SENP5: variants seen among roughly 807,000 people sequenced by gnomAD.
SENP5 encodes sentrin-specific protease 5.
In SENP5, 21 loss-of-function variants were observed where a neutral mutation model predicts 74.2. The ratio of observed to expected loss-of-function variants is 0.28; its 90% CI spans 0.20 to 0.41. The LOEUF is 0.41. Ranked by LOEUF, SENP5 falls within the 10% of genes least tolerant of loss-of-function variation. The probability of loss-of-function intolerance (pLI) is 1.00; values close to 1 mark genes in which losing one functional copy is unlikely to be tolerated. For synonymous variants in SENP5, 311 were observed against 312.7 expected, an observed-to-expected ratio of 0.99 and a Z score of 0.06; for missense variants, 717 against 889.1, an observed-to-expected ratio of 0.81 and a Z score of 2.46.
intron 6 of SENP5, chr3:196,914,586 A>AAAAAAAAATATAT: frequency 2.4e-4 from 8 of 33,500 alleles, no homozygotes; most frequent in African/African-American, 1.3e-3. Context: ...AAAAAAAAAA[A>AAAAAAAAATATAT]ATATATATAT....
Position 196,929,695 on chromosome 3 carries a change from C to G in SENP5, c.2157+12C>G, listed in dbSNP as rs748048200. ...TCTTTGTGCTCCAGGTAAAGAAACA[C>G]TTGCTTTTCGGAACTTACAATGTGT... On this transcript the variant is annotated intron_variant, in intron 9 of 9. Transcript: ENST00000323460. 2 of 1,599,700 alleles carry G rather than the reference C, an allele frequency of 1.3e-6. No individual in the cohort carries two copies. The highest frequency in any genetic ancestry group is 2.2e-5 in the East Asian group (1 of 44,696).
rs1434306718 is a variant in SENP5, at chr3:196,886,132, G to A, written c.951G>A (p.Lys317=). ...ATATGGACAGCAGTGCTGTGGTGAA[G>A]GGGACGAACTCTCATGTGCCTGATT... The part of the protein sequence containing the change: ...FPDMDSSAVV[K]GTNSHVPDCH... Residue 317 remains lysine (K), a synonymous_variant, in exon 2 of 10, where the codon AAG becomes AAA. Coordinates refer to ENST00000323460, the MANE Select transcript of SENP5 (RefSeq NM_152699.5). 1 of 1,614,072 alleles carries A rather than the reference G, an allele frequency of 6.2e-7. No homozygotes were observed. The highest frequency in any genetic ancestry group is 8.5e-7 in the Non-Finnish European group (1 of 1,180,040).
intron 5 of SENP5, among the ~76,000 whole-genome samples, chr3:196,902,995 C>G (rs1714759239): frequency 6.6e-6 from 1 of 152,122 alleles, no homozygotes; most frequent in Non-Finnish European, 1.5e-5. Flanking sequence ...GGTTGCTTCT[C>G]TACTTGATTG....
Position 196,891,875 on chromosome 3 carries a change from C to T in SENP5, c.1513+5181C>T, listed in dbSNP as rs868705457. Among the ~76,000 whole-genome samples, 18 of 151,372 alleles carry T rather than the reference C, an allele frequency of 1.2e-4. 1 individual carries two copies. In the Middle Eastern group the frequency reaches 0.02, roughly 172 times the overall value. ...GCGTGATCTTTGCTTACTGCAACCT[C>T]TGCCTTCTGGGTTCAAGCGATTCTC... is the stretch of plus-strand genomic sequence containing the variant. On this transcript the variant is annotated intron_variant, in intron 2 of 9. Transcript: ENST00000323460.
In SENP5 at chr3:196,907,893, TAAA is replaced by T. The variant is rs35164215; in HGVS notation, c.1884+4295_1884+4297del. On this transcript the variant is annotated intron_variant, in intron 6 of 9. Transcript: ENST00000323460. ...GTAGATCCTCTGAGATTGGGTTAAG[TAAA>T]AAAAAAAAAAACCCAGGTTTATGCT... Among the ~76,000 whole-genome samples the T allele has an allele frequency of 4.4e-4, 64 of 144,396 alleles. 1 individual carries two copies. In the East Asian group the frequency reaches 6.5e-3, roughly 15 times the overall value. 94.7% of individuals were successfully genotyped at this position (144,396 alleles called of 152,430 possible).
rs1713130388 is a variant in SENP5 at position 196,869,802 on chromosome 3, AGT to A, written c.-32+1731_-32+1732del. On this transcript the variant is annotated intron_variant, in intron 1 of 9. Transcript: ENST00000323460. ...AAAAAAAAGGTGCTGGGATTACAGG[AGT>A]GAGTCACTGCGCCTGGGCTATATTA... Among the ~76,000 whole-genome samples the A allele has an allele frequency of 2.2e-5, 3 of 136,198 alleles. No individual in the cohort carries two copies. In the South Asian group the frequency reaches 7.6e-4, roughly 34 times the overall value. The allele number at this position is 136,198 out of a possible 152,430, so 89.4% of individuals were successfully genotyped here.
intron 2 of SENP5, among the ~76,000 whole-genome samples, chr3:196,887,750 T>G (rs1714035012): frequency 1.3e-5 from 2 of 152,164 alleles, no homozygotes; most frequent in East Asian, 3.9e-4. Flanking sequence ...TCTTACATAG[T>G]AAAACTTATC....
intron 2 of SENP5, among the ~76,000 whole-genome samples, chr3:196,898,107 G>A (rs887620327): frequency 6.6e-6 from 1 of 151,596 alleles, no homozygotes; most frequent in African/African-American, 2.4e-5. Context: ...GAACCCAGGA[G>A]GGGTGGGTTG....
chr3:196,901,940 A>G (rs1290562739), intron 5 of SENP5, among the ~76,000 whole-genome samples: 1 of 152,188 alleles, frequency 6.6e-6, no homozygotes, highest in Admixed American at 6.6e-5. Flanking sequence ...CTTACTAGAA[A>G]TGCACATTCT....
intron 2 of SENP5, among the ~76,000 whole-genome samples, chr3:196,894,197 C>T (rs1714342157): frequency 2.1e-5 from 3 of 143,252 alleles, no homozygotes; most frequent in South Asian, 4.9e-4. Context: ...GATCTCGGCT[C>T]ACGGTGGCCT....
At chr3:196,902,198 C>T (rs1187239696) in intron 5 of SENP5, among the ~76,000 whole-genome samples, 2 of 152,254 alleles carry the variant, frequency 1.3e-5, no homozygotes, top group Non-Finnish European at 2.9e-5. Context: ...CTCACTGTAG[C>T]CTTGAACTCC....
At chr3:196,916,016 C>T (rs1043959985) in intron 6 of SENP5, among the ~76,000 whole-genome samples, 3 of 152,122 alleles carry the variant, frequency 2.0e-5, no homozygotes, top group African/African-American at 4.8e-5. Flanking sequence ...TCGATGAACA[C>T]CTGCAGGCAT....
intron 6 of SENP5, among the ~76,000 whole-genome samples, chr3:196,911,624 G>A (rs1346175515): frequency 1.3e-5 from 2 of 151,806 alleles, no homozygotes; most frequent in Admixed American, 6.6e-5. Context: ...AGTTGGGCGC[G>A]GTGGCTCACG....
At chr3:196,889,959 T>C (rs1714135907) in intron 2 of SENP5, among the ~76,000 whole-genome samples, 1 of 152,152 alleles carries the variant, frequency 6.6e-6, no homozygotes, top group Non-Finnish European at 1.5e-5. Flanking sequence ...AAATCTGTTA[T>C]CAAGCCAAAA....
intron 6 of SENP5, among the ~76,000 whole-genome samples, chr3:196,920,984 G>C (rs1049874551): frequency 1.3e-5 from 2 of 152,184 alleles, no homozygotes; most frequent in African/African-American, 4.8e-5. Flanking sequence ...TCTTCTCACA[G>C]GGAGGGCAAC....
chr3:196,893,892 A>G (rs1714320325), intron 2 of SENP5, among the ~76,000 whole-genome samples: 1 of 146,884 alleles, frequency 6.8e-6, no homozygotes, highest in Admixed American at 7.0e-5. Context: ...CCTGGGTGAC[A>G]GAGTGAGACT....
rs114492105 is a variant in SENP5, at chr3:196,895,696, A to G, written c.1514-3970A>G. Among the ~76,000 whole-genome samples, 999 of 151,734 alleles carry G rather than the reference A, an allele frequency of 6.6e-3. 13 individuals are homozygous for G. Among genetic ancestry groups the G allele is most frequent in the African/African-American group, 0.023 (947 of 41,348 alleles). The stretch of plus-strand genomic sequence containing the variant: ...GCCAACATGCTTGGCTAATTTTTGT[A>G]TTTTTTGTAGAGAAGCGGTCTCACT... On this transcript the variant is annotated intron_variant, in intron 2 of 9. Transcript: ENST00000323460.
At chr3:196,873,987 AC>A (rs1713340115) in intron 1 of SENP5, among the ~76,000 whole-genome samples, 1 of 151,746 alleles carries the variant, frequency 6.6e-6, no homozygotes, top group Non-Finnish European at 1.5e-5. Flanking sequence ...ATAGACATGC[AC>A]CATGGTGCCT....
Position 196,934,655 on chromosome 3 carries a change from C to T in SENP5, c.*3732C>T, listed in dbSNP as rs1716177808. Reference sequence around the variant, plus strand: ...TAGAGATTATGATCATGTAAAATTACAGTACTCAACCCTTCTAGCAAAGTA... The same window carrying T: ...TAGAGATTATGATCATGTAAAATTATAGTACTCAACCCTTCTAGCAAAGTA... On this transcript the variant is annotated 3_prime_UTR_variant, in exon 10 of 10. Transcript: ENST00000323460. 1.3e-5 allele frequency: 2 copies of T among 152,342 alleles called. No individual in the cohort carries two copies. The highest frequency in any genetic ancestry group is 2.1e-4 in the South Asian group (1 of 4,832). The allele number at this position is 152,342 out of a possible 1,614,324, so 9.4% of individuals were successfully genotyped here.
Sources: gnomAD v4.1 joint callset for allele counts (sites outside exome capture counted in the v4.1 genomes callset) on GRCh38, gnomAD v4.1.1 for gene constraint, MANE v1.5 for transcripts, NCBI Gene and HGNC (gene_info 2026-07-23, HGNC 2026-07-21) for gene names.